LAMP2: variants seen among roughly 807,000 people sequenced by gnomAD.
LAMP2 encodes the protein lysosome associated membrane protein 2, also known as lysosome-associated membrane glycoprotein 2.
A neutral mutation model predicts 25.6 loss-of-function variants in LAMP2; 4 were observed. That is an observed-to-expected ratio of 0.16 (90% CI 0.08 to 0.36). LAMP2 has a LOEUF of 0.36. Among genes scored for constraint, LAMP2 ranks in the 10% least tolerant of loss-of-function variants. The pLI is 1.00. For synonymous variants in LAMP2, 108 were observed against 112.7 expected, an observed-to-expected ratio of 0.96 and a Z score of 0.27; for missense variants, 272 against 301.4, an observed-to-expected ratio of 0.90 and a Z score of 0.72.
chrX:120,466,837 CTTCT>C (rs1302554941), intron 1 of LAMP2, among the ~76,000 whole-genome samples: 1 of 86,233 alleles, frequency 1.2e-5, no homozygotes, highest in African/African-American at 4.3e-5. Context: ...GGACAAATAA[CTTCT>C]TTTTTTTTTT....
intron 8 of LAMP2, chrX:120,438,692 TCACACACACACACACACACACACA>T (rs67522937): frequency 1.9e-6 from 1 of 524,911 alleles, no homozygotes; most frequent in Non-Finnish European, 2.2e-6. Flanking sequence ...CAAACAAAAA[TCACACACACACACACACACACACA>T]CACACACACA....
chrX:120,438,147 A>G (rs766142801), intron 8 of LAMP2: 81 of 743,017 alleles, frequency 1.1e-4, no homozygotes, highest in Middle Eastern at 1.5e-3. Flanking sequence ...GTGAGCCGCC[A>G]CGCCCAGCCT....
chrX:120,455,881 G>T (rs1014106371), intron 2 of LAMP2, among the ~76,000 whole-genome samples: 1 of 106,393 alleles, frequency 9.4e-6, no homozygotes, highest in East Asian at 3.0e-4. Context: ...GGAATTAAGA[G>T]GAGATGTCAA....
At chrX:120,438,629 A>G (rs944007765) in intron 8 of LAMP2, 1 of 753,920 alleles carries the variant, frequency 1.3e-6, no homozygotes, top group Non-Finnish European at 1.6e-6. Flanking sequence ...ATCTACTATT[A>G]TATCTCTCAA....
intron 8 of LAMP2, chrX:120,437,432 A>G (rs937439324): frequency 6.7e-6 from 5 of 749,377 alleles, no homozygotes; most frequent in Non-Finnish European, 7.8e-6. Context: ...AAAAACACGA[A>G]AAAACAACCC....
At chrX:120,451,833 C>T (rs1439222965) in intron 3 of LAMP2, among the ~76,000 whole-genome samples, 1 of 111,895 alleles carries the variant, frequency 8.9e-6, no homozygotes, top group East Asian at 2.8e-4. Flanking sequence ...TTCAGGAAGC[C>T]ATTTAACATT....
intron 3 of LAMP2, among the ~76,000 whole-genome samples, chrX:120,452,030 C>A (rs1415622445): frequency 9.0e-6 from 1 of 111,338 alleles, no homozygotes; most frequent in African/African-American, 3.3e-5. Context: ...GTAGTCCAGG[C>A]ATTTATTACA....
intron 6 of LAMP2, among the ~76,000 whole-genome samples, chrX:120,444,349 C>G (rs2058587155): frequency 1.8e-5 from 2 of 111,907 alleles, no homozygotes; most frequent in African/African-American, 6.5e-5. Flanking sequence ...ATTCAAGACT[C>G]CACAATTTGT....
Position 120,448,993 on chromosome X carries a change from T to G in LAMP2, c.533A>C (p.Gln178Pro), listed in dbSNP as rs775432228. 5 of 1,209,081 alleles carry G rather than the reference T, an allele frequency of 4.1e-6. No individual in the cohort carries two copies. In the African/African-American group the frequency reaches 5.2e-5, roughly 13 times the overall value. The change falls in exon 4 of 9, where the codon CAA becomes CCA. Residue 178 changes from glutamine (Q) to proline (P), a missense_variant. Coordinates refer to ENST00000200639, the MANE Select transcript of LAMP2 (RefSeq NM_002294.3). ...ACCATTTGTGCTCACTGTGCCATTT[T>G]GGACAAAAGCTTGTACAAGAACATC... ...YWDVLVQAFVQNGTVSTNEFL... is the reference protein window; with the variant it reads ...YWDVLVQAFVPNGTVSTNEFL...
intron 6 of LAMP2, among the ~76,000 whole-genome samples, chrX:120,444,277 T>G (rs1327147320): frequency 9.0e-6 from 1 of 111,181 alleles, no homozygotes; most frequent in Non-Finnish European, 1.9e-5. Context: ...GGAAGAAGCA[T>G]AATGGAGGAC....
At chrX:120,450,456 C>T (rs1048760574) in intron 3 of LAMP2, among the ~76,000 whole-genome samples, 4 of 111,885 alleles carry the variant, frequency 3.6e-5, no homozygotes, top group African/African-American at 1.3e-4. Flanking sequence ...TGCTTCTCAC[C>T]GTTAACAAAA....
intron 8 of LAMP2, among the ~76,000 whole-genome samples, chrX:120,441,185 G>A (rs759809098): frequency 4.3e-5 from 1 of 23,084 alleles, no homozygotes; most frequent in Non-Finnish European, 7.8e-5. Context: ...CCCTTCAAAA[G>A]GTTTCATTAA....
At chrX:120,445,031 G>A (rs748389065) in intron 6 of LAMP2, among the ~76,000 whole-genome samples, 94 of 112,271 alleles carry the variant, frequency 8.4e-4, no homozygotes, top group African/African-American at 2.9e-3. Context: ...AAACATTGCC[G>A]TATAAGAGTC....
chrX:120,429,924 T>C lies in LAMP2; in HGVS notation c.*1399A>G. The C allele has an allele frequency of 2.7e-6, 2 of 752,149 alleles. No homozygotes were observed. Among genetic ancestry groups the C allele is most frequent in the South Asian group, 1.4e-4 (2 of 14,812 alleles). 62.0% of individuals were successfully genotyped at this position (752,149 alleles called of 1,213,427 possible). A position where few individuals can be genotyped will look rare whatever the true frequency, so the allele number is the denominator to read the frequency against. On this transcript the variant is annotated 3_prime_UTR_variant, in exon 9 of 9. Coordinates refer to ENST00000200639, the MANE Select transcript of LAMP2 (RefSeq NM_002294.3). ...ATAACTTGTACTTTTCTTCTAATTT[T>C]AACTTTTCCTCCTCTTGTACTTTTA...
chrX:120,439,417 A>T (rs1425165448), intron 8 of LAMP2: 2 of 612,618 alleles, frequency 3.3e-6, no homozygotes, highest in East Asian at 6.9e-5. Context: ...TAACTAAGAC[A>T]GGTATATTTT....
chrX:120,440,829 G>A (rs1241712859), intron 8 of LAMP2, among the ~76,000 whole-genome samples: 3 of 112,548 alleles, frequency 2.7e-5, no homozygotes, highest in East Asian at 2.8e-4. Flanking sequence ...GTCTTTAATC[G>A]CAAGAATGGT....
At position 120,428,906 on chromosome X, in the gene LAMP2, A is replaced by C; in HGVS notation, c.*2417T>G. ...GGAAGACTTTAGGTTTGATTATCTA[A>C]TGACACTGGGTTAAGGAGCCATCAT... On this transcript the variant is annotated 3_prime_UTR_variant, in exon 9 of 9. Coordinates refer to ENST00000200639, the MANE Select transcript of LAMP2 (RefSeq NM_002294.3). 1.3e-6 allele frequency: 1 copy of C among 752,459 alleles called. No homozygotes were observed. Among genetic ancestry groups the C allele is most frequent in the Non-Finnish European group, 1.6e-6 (1 of 638,492 alleles). 62.0% of individuals were successfully genotyped at this position (752,459 alleles called of 1,213,427 possible). A position where few individuals can be genotyped will look rare whatever the true frequency, so the allele number is the denominator to read the frequency against.
rs1569367266 is a variant in LAMP2 at position 120,438,733 on chromosome X, A to ACACAC, written c.1093+2996_1093+2997insGTGTG. 16 of 583,243 alleles carry ACACAC rather than the reference A, an allele frequency of 2.7e-5. No homozygotes were observed. The African/African-American group carries it at 4.7e-4, about 17-fold the overall frequency. The allele number at this position is 583,243 out of a possible 1,213,427, so 48.1% of individuals were successfully genotyped here. ...ACACACACACACACACACACACACA[A>ACACAC]AAAGAGCAAAAGGAGCAAGTACAAA... On this transcript the variant is annotated intron_variant, in intron 8 of 8. Coordinates refer to ENST00000200639, the MANE Select transcript of LAMP2 (RefSeq NM_002294.3).
Position 120,428,420 on chromosome X carries a change from G to C in LAMP2, c.*2903C>G. ...ACAATCTATTGCACAGCATGTCCTG[G>C]CTTTTAGCCAATGGAAACGTAACTT... is the stretch of plus-strand genomic sequence containing the variant. On this transcript the variant is annotated 3_prime_UTR_variant, in exon 9 of 9. Coordinates refer to ENST00000200639, the MANE Select transcript of LAMP2 (RefSeq NM_002294.3). The C allele has an allele frequency of 8.9e-7, 1 of 1,122,384 alleles. No individual in the cohort carries two copies. Among genetic ancestry groups the C allele is most frequent in the Non-Finnish European group, 1.2e-6 (1 of 855,908 alleles). 92.5% of individuals were successfully genotyped at this position (1,122,384 alleles called of 1,213,427 possible). A position where few individuals can be genotyped will look rare whatever the true frequency, so the allele number is the denominator to read the frequency against.
Sources: allele counts gnomAD v4.1 joint callset (sites outside exome capture counted in the v4.1 genomes callset), GRCh38; gene constraint gnomAD v4.1.1; transcripts MANE v1.5; gene names NCBI Gene and HGNC (gene_info 2026-07-23, HGNC 2026-07-21).